MME: variants seen among roughly 807,000 people sequenced by gnomAD.
MME encodes the protein membrane metalloendopeptidase, also known as neprilysin.
In MME, 98 loss-of-function variants were observed where a neutral mutation model predicts 113.2. The ratio of observed to expected loss-of-function variants is 0.87; its 90% CI spans 0.74 to 1.02. The LOEUF is 1.02. MME is among the 50% of genes least tolerant of loss of function. The probability of loss-of-function intolerance (pLI) is 0.00; values close to 1 mark genes in which losing one functional copy is unlikely to be tolerated. For synonymous variants in MME, 292 were observed against 300.6 expected, an observed-to-expected ratio of 0.97 and a Z score of 0.30; for missense variants, 836 against 896.0, an observed-to-expected ratio of 0.93 and a Z score of 0.86.
chr3:155,056,197 C>CT (rs1713921233), intron 1 of MME, among the ~76,000 whole-genome samples: 1 of 151,718 alleles, frequency 6.6e-6, no homozygotes, highest in Non-Finnish European at 1.5e-5. Context: ...TATTATTATA[C>CT]TTTAAGTTTT....
At chr3:155,085,984 C>T (rs1715686920) in intron 3 of MME, among the ~76,000 whole-genome samples, 1 of 152,168 alleles carries the variant, frequency 6.6e-6, no homozygotes. Flanking sequence ...CCTTGAAATC[C>T]ATGTTTAGCC....
At chr3:155,070,178 C>T (rs1252980703) in intron 1 of MME, among the ~76,000 whole-genome samples, 1 of 152,178 alleles carries the variant, frequency 6.6e-6, no homozygotes, top group Non-Finnish European at 1.5e-5. Flanking sequence ...TCTCTTAACA[C>T]TTTTATTTCT....
Position 155,180,430 on chromosome 3 carries a change from A to G in MME, c.2224A>G (p.Asn742Asp). 2 of 1,613,590 alleles carry G rather than the reference A, an allele frequency of 1.2e-6. No individual in the cohort carries two copies. Among genetic ancestry groups the G allele is most frequent in the Non-Finnish European group, 1.7e-6 (2 of 1,179,582 alleles). Residue 742 changes from asparagine to aspartate, a missense_variant, in exon 23 of 23, where the codon AAT (asparagine) becomes GAT (aspartate). By Grantham distance (23) the Asn-to-Asp change is conservative. Coordinates refer to ENST00000360490, the MANE Select transcript of MME (RefSeq NM_007289.4). ...AFHCRKNSYM[N>D]PEKKCRVW is the part of the protein sequence containing the mutation. The stretch of plus-strand genomic sequence containing the variant: ...TCACTGCCGCAAGAATTCATACATG[A>G]ATCCAGAAAAGAAGTGCCGGGTTTG...
chr3:155,055,192 T>G (rs1406285382), intron 1 of MME, among the ~76,000 whole-genome samples: 3 of 152,194 alleles, frequency 2.0e-5, no homozygotes, highest in Non-Finnish European at 1.5e-5. Context: ...AAAACGATTA[T>G]ATGCTCACAC....
At chr3:155,132,165 G>A (rs1720194252) in intron 8 of MME, among the ~76,000 whole-genome samples, 1 of 152,158 alleles carries the variant, frequency 6.6e-6, no homozygotes, top group Admixed American at 6.5e-5. Context: ...TGACAGGACA[G>A]TTTTCTGTTC....
intron 1 of MME, among the ~76,000 whole-genome samples, chr3:155,026,196 G>T (rs768863664): frequency 3.9e-5 from 6 of 151,936 alleles, no homozygotes; most frequent in Admixed American, 1.3e-4. Flanking sequence ...GTTGGGGTAG[G>T]GGGGTGGGTG....
chr3:155,075,132 A>G (rs146238069), upstream of MME, among the ~76,000 whole-genome samples: 464 of 151,940 alleles, frequency 3.1e-3, 5 homozygotes, highest in East Asian at 0.035. Flanking sequence ...CTTAAAATTT[A>G]TGATACTAGA....
chr3:155,164,775 C>T (rs1722967017), intron 17 of MME, among the ~76,000 whole-genome samples: 1 of 152,150 alleles, frequency 6.6e-6, no homozygotes, highest in South Asian at 2.1e-4. Flanking sequence ...CTCCATTTAG[C>T]TCAGGCTGCT....
chr3:155,126,928 A>G (rs113707286), intron 8 of MME, among the ~76,000 whole-genome samples: 197 of 150,068 alleles, frequency 1.3e-3, no homozygotes, highest in African/African-American at 4.6e-3. Context: ...AATCGCTTGA[A>G]CCCAGGAGAT....
intron 10 of MME, among the ~76,000 whole-genome samples, chr3:155,141,206 A>G (rs558259400): frequency 6.6e-6 from 1 of 152,340 alleles, no homozygotes; most frequent in South Asian, 2.1e-4. Context: ...ATTGAGTTAG[A>G]CATCTTACAT....
intron 3 of MME, among the ~76,000 whole-genome samples, chr3:155,102,424 A>C (rs867316683): frequency 1.3e-5 from 2 of 152,174 alleles, no homozygotes; most frequent in South Asian, 2.1e-4. Flanking sequence ...AAAATTGTGC[A>C]TATCATACCG....
intron 1 of MME, among the ~76,000 whole-genome samples, chr3:155,060,551 C>T (rs538675862): frequency 6.6e-6 from 1 of 152,138 alleles, no homozygotes; most frequent in Non-Finnish European, 1.5e-5. Context: ...TTCTGAGACC[C>T]TGATGATACC....
chr3:155,094,446 A>G (rs777064705), intron 3 of MME, among the ~76,000 whole-genome samples: 2 of 152,234 alleles, frequency 1.3e-5, no homozygotes, highest in Non-Finnish European at 2.9e-5. Flanking sequence ...TAGGATTCAT[A>G]GACATCTTAT....
chr3:155,139,532 C>G (rs577352221), intron 9 of MME, among the ~76,000 whole-genome samples: 145 of 152,248 alleles, frequency 9.5e-4, no homozygotes, highest in African/African-American at 3.1e-3. Context: ...CTTAAAATTG[C>G]TTTTACTCAT....
chr3:155,048,600 T>C (rs1267085837), intron 1 of MME, among the ~76,000 whole-genome samples: 1 of 152,188 alleles, frequency 6.6e-6, no homozygotes, highest in Non-Finnish European at 1.5e-5. Flanking sequence ...AGAGGGAGTC[T>C]GAAACTACCT....
In MME at chr3:155,143,571, GGTAAT is replaced by G. The variant is rs1721287804; in HGVS notation, c.1317+3_1317+7del. 12 of 1,611,258 alleles carry G rather than the reference GGTAAT, an allele frequency of 7.4e-6. No homozygotes were observed. Among genetic ancestry groups the G allele is most frequent in the Non-Finnish European group, 9.3e-6 (11 of 1,178,054 alleles). On this transcript the variant is annotated splice_donor_variant and splice_donor_5th_base_variant and intron_variant, in intron 13 of 22. Transcript: ENST00000360490. LOFTEE classifies it high-confidence loss of function. ...CATTTGCTGGAGAGAGTAAACATGT[GGTAAT>G]GTTTTCAGAATAATACACTGTCAGT...
At chr3:155,161,910 C>T (rs1016590172) in intron 17 of MME, among the ~76,000 whole-genome samples, 2 of 152,090 alleles carry the variant, frequency 1.3e-5, no homozygotes, top group African/African-American at 4.8e-5. Context: ...TATTTGAAAC[C>T]ATTCAAATCT....
At chr3:155,179,097 G>A (rs1250181623) in intron 22 of MME, among the ~76,000 whole-genome samples, 1 of 152,188 alleles carries the variant, frequency 6.6e-6, no homozygotes, top group Admixed American at 6.5e-5. Context: ...GAATATTTAA[G>A]CAAAGGCATG....
rs370066931 is a variant in MME at position 155,178,787 on chromosome 3, G to A, written c.2154-1573G>A. ...TTATAATACCTAATACAATGTAAAT[G>A]CTATGTAAATATTTGTTATACTGTA... On this transcript the variant is annotated intron_variant, in intron 22 of 22. Coordinates refer to ENST00000360490, the MANE Select transcript of MME (RefSeq NM_007289.4). Among the ~76,000 whole-genome samples, 277 of 152,198 alleles carry A rather than the reference G, an allele frequency of 1.8e-3. 2 individuals carry two copies. Among genetic ancestry groups the A allele is most frequent in the Non-Finnish European group, 9.9e-4 (67 of 67,998 alleles).
Sources: allele counts gnomAD v4.1 joint callset (sites outside exome capture counted in the v4.1 genomes callset), GRCh38; gene constraint gnomAD v4.1.1; transcripts MANE v1.5; gene names NCBI Gene and HGNC (gene_info 2026-07-23, HGNC 2026-07-21).